The following ALLC variants were observed in gnomAD, a reference collection of about 807,000 sequenced individuals.
The protein encoded by ALLC is probable inactive allantoicase.
ALLC carries 40 observed loss-of-function variants against 45.0 expected under a neutral mutation model. The ratio of observed to expected loss-of-function variants is 0.89; its 90% confidence interval spans 0.69 to 1.16. The LOEUF (loss-of-function observed/expected upper bound fraction) is 1.16. ALLC is among the 50% of genes most tolerant of loss of function. The pLI is 0.00. For synonymous variants in ALLC, 176 were observed against 178.1 expected, an observed-to-expected ratio of 0.99 and a Z score of 0.09; for missense variants, 488 against 493.1, an observed-to-expected ratio of 0.99 and a Z score of 0.10.
chr2:3,672,553 T>C (rs113608995), intron 2 of ALLC, among the ~76,000 whole-genome samples: 144 of 56,002 alleles, frequency 2.6e-3, no homozygotes, highest in African/African-American at 4.8e-3. Flanking sequence ...GGTCCTCTGG[T>C]TCTGGTTAGA....
chr2:3,690,119 T>C (rs1394659965), intron 7 of ALLC, among the ~76,000 whole-genome samples: 1 of 148,898 alleles, frequency 6.7e-6, no homozygotes. Flanking sequence ...CAGCATATAG[T>C]TGGGCCTTGT....
chr2:3,678,411 G>T, intron 3 of ALLC, 57 bp from the exon 4 acceptor site: 1 of 1,469,782 alleles, frequency 6.8e-7, no homozygotes, highest in South Asian at 1.1e-5. Context: ...TGGACTTGCT[G>T]GAAGCCAGGA....
chr2:3,654,893 C>T (rs73910318), upstream of ALLC, among the ~76,000 whole-genome samples: 832 of 152,366 alleles, frequency 5.5e-3, 13 homozygotes, highest in African/African-American at 0.019. Flanking sequence ...TAAAGAAGCG[C>T]TTTGCATTGG....
intron 2 of ALLC, among the ~76,000 whole-genome samples, chr2:3,671,777 G>A (rs866782491): frequency 1.1e-3 from 128 of 119,290 alleles, no homozygotes; most frequent in Non-Finnish European, 1.1e-3. Flanking sequence ...CTCTGGCTCT[G>A]GTTAGATGGG....
intron 7 of ALLC, among the ~76,000 whole-genome samples, chr2:3,689,909 T>C (rs991052782): frequency 2.0e-5 from 3 of 150,058 alleles, no homozygotes; most frequent in Middle Eastern, 3.2e-3. Flanking sequence ...CACATAGATA[T>C]TCATAATTGA....
intron 3 of ALLC, among the ~76,000 whole-genome samples, chr2:3,674,897 C>A (rs1258744815): frequency 6.6e-6 from 1 of 152,190 alleles, no homozygotes; most frequent in African/African-American, 2.4e-5. Context: ...CAGGTCCGGT[C>A]TTTGAAACAC....
At chr2:3,658,804 G>A (rs1572500853) in intron 1 of ALLC, among the ~76,000 whole-genome samples, 2 of 151,606 alleles carry the variant, frequency 1.3e-5, no homozygotes, top group East Asian at 3.9e-4. Context: ...GGATGGGATT[G>A]GGGTGGAGGT....
intron 1 of ALLC, among the ~76,000 whole-genome samples, chr2:3,661,554 C>G (rs965303184): frequency 1.1e-4 from 16 of 152,274 alleles, no homozygotes; most frequent in African/African-American, 3.8e-4. Context: ...GGGCTGTTCC[C>G]TGGAATTCAG....
At chr2:3,696,945 G>A (rs750093634) in intron 9 of ALLC, among the ~76,000 whole-genome samples, 20 of 152,230 alleles carry the variant, frequency 1.3e-4, no homozygotes, top group East Asian at 3.9e-4. Context: ...CAGACTCTCC[G>A]TTCTCAAAAC....
At chr2:3,653,336 G>T (rs932803655), upstream of ALLC, among the ~76,000 whole-genome samples, 4 of 152,210 alleles carry the variant, frequency 2.6e-5, no homozygotes, top group Non-Finnish European at 5.9e-5. The surrounding 1 kb of genome is among the most constrained non-coding windows in gnomAD (Gnocchi z 4.1). Context: ...TTTGCCACTT[G>T]TGTGAAGGAA....
chr2:3,666,750 G>A lies in ALLC; in HGVS notation c.-62-4346G>A, dbSNP rs181268733. Among the ~76,000 whole-genome samples, 56 of 152,314 alleles carry A rather than the reference G, an allele frequency of 3.7e-4. 1 individual carries two copies. Among genetic ancestry groups the A allele is most frequent in the Admixed American group, 1.8e-3 (27 of 15,302 alleles). On this transcript the variant is annotated intron_variant, in intron 1 of 11. Transcript: ENST00000252505. ...CGGTAGGTTGTGTGTCTGTGTGGCG[G>A]TTTAGCACCGTTTCAAATTCTGCAT...
chr2:3,651,437 GTGTGTTAGGA>G, the ALLC span, among the ~76,000 whole-genome samples: 3 of 57,872 alleles, frequency 5.2e-5, no homozygotes, highest in Admixed American at 2.4e-4. Flanking sequence ...GTGTGTGTGT[GTGTGTTAGGA>G]AGGGAGACGA....
chr2:3,680,373 A>G lies in ALLC; in HGVS notation c.298+379A>G, dbSNP rs1170027927. 6.6e-6 allele frequency among the ~76,000 whole-genome samples: 1 copy of G among 152,146 alleles called. No individual in the cohort carries two copies. Among genetic ancestry groups the G allele is most frequent in the Non-Finnish European group, 1.5e-5 (1 of 68,032 alleles). ...CTGGGACAGCTGTGGGGTGAGCAGC[A>G]CCAGCCCTGCTTTGGGCTGTCCCAG... On this transcript the variant is annotated intron_variant, in intron 5 of 11. Coordinates refer to ENST00000252505, the MANE Select transcript of ALLC (RefSeq NM_018436.4). This position sits in a 1 kb window ranked among gnomAD's most constrained non-coding sequence, Gnocchi z 4.0.
intron 7 of ALLC, among the ~76,000 whole-genome samples, chr2:3,692,132 G>A (rs534009975): frequency 2.6e-5 from 4 of 152,202 alleles, no homozygotes; most frequent in South Asian, 4.2e-4. Context: ...TGTCCATTTG[G>A]GGATGTCATA....
rs752766702 is a variant in ALLC, at chr2:3,674,094, A to T, written c.53A>T (p.Asp18Val). 39 of 1,560,354 alleles carry T rather than the reference A, an allele frequency of 2.5e-5. No individual in the cohort carries two copies. Among genetic ancestry groups the T allele is most frequent in the Non-Finnish European group, 3.2e-5 (37 of 1,149,868 alleles). The change falls in exon 3 of 12, where the codon GAC becomes GTC. Residue 18 changes from aspartate to valine, a missense_variant. Transcript: ENST00000252505. ...VGGKILFATD[D>V]FFAPAENLIK... is the part of the protein sequence containing the mutation. ...GTCTAGATTTTATTTGCAACAGATG[A>T]CTTTTTTGCTCCTGCAGAAAACCTC...
At chr2:3,666,168 C>T (rs1666719906) in intron 1 of ALLC, among the ~76,000 whole-genome samples, 1 of 152,238 alleles carries the variant, frequency 6.6e-6, no homozygotes, top group Non-Finnish European at 1.5e-5. Context: ...ACCAGGACCC[C>T]TGGCTTCTCC....
intron 1 of ALLC, among the ~76,000 whole-genome samples, chr2:3,658,592 G>T (rs1172016330): frequency 6.6e-6 from 1 of 152,158 alleles, no homozygotes; most frequent in African/African-American, 2.4e-5. Context: ...AAGAGGCTGG[G>T]CATGGTGGCT....
In ALLC at chr2:3,698,252, C is replaced by T. The variant is rs73140843; in HGVS notation, c.850+796C>T. On this transcript the variant is annotated intron_variant, in intron 10 of 11. Coordinates refer to ENST00000252505, the MANE Select transcript of ALLC (RefSeq NM_018436.4). The stretch of plus-strand genomic sequence containing the variant: ...AGTGGTGGGATTACAGGTGTGAGAC[C>T]ATGCCCAGCCAACCCTTTGAACTTT... 4.0e-3 allele frequency among the ~76,000 whole-genome samples: 610 copies of T among 152,268 alleles called. 9 individuals are homozygous for T. The highest frequency in any genetic ancestry group is 0.014 in the African/African-American group (580 of 41,552).
chr2:3,695,896 G>A (rs369522072), intron 8 of ALLC, 24 bp downstream of exon 8: 69 of 1,580,646 alleles, frequency 4.4e-5, no homozygotes, highest in Non-Finnish European at 5.9e-5. Context: ...CTTGGAGCTG[G>A]CTTATTTAGG....
Sources: gnomAD v4.1 joint callset for allele counts (sites outside exome capture counted in the v4.1 genomes callset) on GRCh38, gnomAD v4.1.1 for gene constraint, Gnocchi (gnomAD v3.1) non-coding constraint, MANE v1.5 for transcripts, NCBI Gene and HGNC (gene_info 2026-07-23, HGNC 2026-07-21) for gene names.